The following MBD5 variants were observed in gnomAD, a reference collection of about 807,000 sequenced individuals.
The protein encoded by MBD5 is methyl-CpG-binding domain protein 5.
A neutral mutation model predicts 117.3 loss-of-function variants in MBD5; 13 were observed. The ratio of observed to expected loss-of-function variants is 0.11; its 90% CI spans 0.07 to 0.18. MBD5 has a LOEUF of 0.18. Ranked by LOEUF, MBD5 falls within the 10% of genes least tolerant of loss-of-function variation. The probability of loss-of-function intolerance (pLI) is 1.00; values close to 1 mark genes in which losing one functional copy is unlikely to be tolerated. For missense variants in MBD5, 1,879 were observed against 2,093.8 expected (o/e 0.90, Z 2.00); for synonymous variants, 727 against 766.4 (o/e 0.95, Z 0.85).
intron 1 of MBD5, among the ~76,000 whole-genome samples, chr2:148,126,239 TAA>T (rs10712219): frequency 0.022 from 3,224 of 147,484 alleles, 126 homozygotes; most frequent in African/African-American, 0.075. Context: ...CTACTAAAAA[TAA>T]AAAAAAAAAA....
At chr2:148,462,559 GT>G (rs758376752) in intron 5 of MBD5, 22 bp from the exon 6 acceptor site, 1 of 1,439,988 alleles carries the variant, frequency 6.9e-7, no homozygotes, top group Non-Finnish European at 9.8e-7. Context: ...ATTTCCTGAT[GT>G]TTTTTTAAAC....
At chr2:148,394,980 C>T (rs1409735664) in intron 4 of MBD5, among the ~76,000 whole-genome samples, 1 of 152,104 alleles carries the variant, frequency 6.6e-6, no homozygotes, top group Non-Finnish European at 1.5e-5. Flanking sequence ...TTCCTATCTC[C>T]TCCATGGCTT....
intron 3 of MBD5, among the ~76,000 whole-genome samples, chr2:148,248,376 A>G (rs1700386416): frequency 6.6e-6 from 1 of 152,148 alleles, no homozygotes; most frequent in African/African-American, 2.4e-5. Context: ...GATACCAAAA[A>G]ACAAAACAGA....
chr2:148,368,714 A>G (rs1703772469), intron 4 of MBD5, among the ~76,000 whole-genome samples: 1 of 152,116 alleles, frequency 6.6e-6, no homozygotes, highest in Admixed American at 6.6e-5. Context: ...TGAGAATCTT[A>G]TCAATCCAGA....
At chr2:148,221,292 G>A (rs2106072436) in intron 2 of MBD5, among the ~76,000 whole-genome samples, 1 of 152,250 alleles carries the variant, frequency 6.6e-6, no homozygotes, top group East Asian at 1.9e-4. Flanking sequence ...ACCCAGCAGT[G>A]AGATTACTGA....
intron 4 of MBD5, among the ~76,000 whole-genome samples, chr2:148,383,498 T>C (rs145788746): frequency 0.047 from 7,158 of 152,146 alleles, 242 homozygotes; most frequent in Admixed American, 0.099. Flanking sequence ...CAGGACCAGA[T>C]GGATTCACAG....
chr2:148,079,434 T>A (rs149438908), intron 1 of MBD5, among the ~76,000 whole-genome samples: 522 of 152,238 alleles, frequency 3.4e-3, no homozygotes, highest in East Asian at 8.3e-3. Context: ...TCATATAATC[T>A]TCTTGGCTAG....
intron 1 of MBD5, among the ~76,000 whole-genome samples, chr2:148,043,009 A>T (rs1012011786): frequency 2.0e-5 from 3 of 152,062 alleles, no homozygotes; most frequent in African/African-American, 7.2e-5. Context: ...GGGCTTGTTT[A>T]TGTATTTCAG....
At chr2:148,072,951 T>G (rs1335470014) in intron 1 of MBD5, among the ~76,000 whole-genome samples, 2 of 152,110 alleles carry the variant, frequency 1.3e-5, no homozygotes, top group South Asian at 4.1e-4. Context: ...GCTCTAAAGT[T>G]TAGCTTTTTA....
At chr2:148,035,410 T>C (rs1694168600) in intron 1 of MBD5, among the ~76,000 whole-genome samples, 1 of 152,208 alleles carries the variant, frequency 6.6e-6, no homozygotes, top group African/African-American at 2.4e-5. Context: ...CTTAAAGCTA[T>C]TTTAAAGCTT....
intron 4 of MBD5, among the ~76,000 whole-genome samples, chr2:148,406,072 G>A (rs982081471): frequency 6.6e-6 from 1 of 152,130 alleles, no homozygotes; most frequent in Non-Finnish European, 1.5e-5. Flanking sequence ...GTACATTCCT[G>A]TAATCCCAGC....
At chr2:148,274,839 C>A (rs1701069113) in intron 3 of MBD5, among the ~76,000 whole-genome samples, 1 of 151,898 alleles carries the variant, frequency 6.6e-6, no homozygotes, top group Admixed American at 6.6e-5. Context: ...TCTCCTGCCT[C>A]AGCCTCTCAA....
At chr2:148,428,281 C>T (rs1404480159) in intron 4 of MBD5, among the ~76,000 whole-genome samples, 12 of 152,256 alleles carry the variant, frequency 7.9e-5, no homozygotes, top group African/African-American at 2.2e-4. Flanking sequence ...AGGAATACAA[C>T]TTACAAGGGA....
At chr2:148,147,876 C>T (rs990912514) in intron 1 of MBD5, among the ~76,000 whole-genome samples, 3 of 152,102 alleles carry the variant, frequency 2.0e-5, no homozygotes, top group African/African-American at 7.2e-5. Flanking sequence ...CACAGAGCCT[C>T]AAAGTCAGCC....
intron 4 of MBD5, among the ~76,000 whole-genome samples, chr2:148,375,082 C>G (rs67079704): frequency 0.2 from 30,366 of 152,026 alleles, 3,804 homozygotes; most frequent in East Asian, 0.53. Context: ...AGCATCTTCT[C>G]CAAAGTATAA....
At chr2:148,480,291 T>C (rs964387711) in intron 8 of MBD5, among the ~76,000 whole-genome samples, 9 of 152,232 alleles carry the variant, frequency 5.9e-5, no homozygotes, top group African/African-American at 2.2e-4. Context: ...TTTTATGTTA[T>C]CCCAAAATGG....
At chr2:148,391,811 C>T (rs1211169586) in intron 4 of MBD5, among the ~76,000 whole-genome samples, 2 of 152,130 alleles carry the variant, frequency 1.3e-5, no homozygotes, top group African/African-American at 4.8e-5. Flanking sequence ...AATCATCATT[C>T]TGAAAACAGA....
At chr2:148,389,251 CATATATATATATATATATAT>C (rs70995314) in intron 4 of MBD5, among the ~76,000 whole-genome samples, 734 of 32,380 alleles carry the variant, frequency 0.023, 34 homozygotes, top group East Asian at 0.043. Context: ...GAAAAAAAAA[CATATATATATATATATATAT>C]ATATATATAT....
intron 1 of MBD5, among the ~76,000 whole-genome samples, chr2:148,088,963 C>T (rs1361143489): frequency 2.6e-5 from 4 of 151,932 alleles, no homozygotes; most frequent in Admixed American, 6.6e-5. Context: ...AAGAGACTCA[C>T]CTAATGCATA....
Sources: allele counts gnomAD v4.1 joint callset (sites outside exome capture counted in the v4.1 genomes callset), GRCh38; gene constraint gnomAD v4.1.1; transcripts MANE v1.5; gene names NCBI Gene and HGNC (gene_info 2026-07-23, HGNC 2026-07-21).